PDE4D: variants seen among roughly 807,000 people sequenced by gnomAD.
The protein encoded by PDE4D is 3',5'-cyclic-AMP phosphodiesterase 4D.
PDE4D carries 24 observed loss-of-function variants against 87.4 expected under a neutral mutation model. That is an observed-to-expected ratio of 0.27 (90% CI 0.20 to 0.39). The LOEUF is 0.39. Among genes scored for constraint, PDE4D ranks in the 10% least tolerant of loss-of-function variants. The pLI, the probability that PDE4D is intolerant of heterozygous loss-of-function variation, is 1.00. For synonymous variants in PDE4D, 384 were observed against 383.2 expected, an observed-to-expected ratio of 1.00 and a Z score of -0.02; for missense variants, 714 against 1,041.0, an observed-to-expected ratio of 0.69 and a Z score of 4.32.
intron 1 of PDE4D, among the ~76,000 whole-genome samples, chr5:59,785,986 A>G (rs934122725): frequency 7.3e-6 from 1 of 136,380 alleles, no homozygotes; most frequent in South Asian, 2.7e-4. Context: ...TGCAGTGAGA[A>G]TGGTTGGGGG....
rs1168581837 is a variant in PDE4D, at chr5:60,303,313, T to G, written c.-89-117626A>C. Among the ~76,000 whole-genome samples, 11 of 150,304 alleles carry G rather than the reference T, an allele frequency of 7.3e-5. No homozygotes were observed. In the South Asian group the frequency reaches 1.3e-3, roughly 17 times the overall value. On this transcript the variant is annotated intron_variant, in intron 1 of 16. Transcript: ENST00000502484. ...TGTGGTTATATCTGGATTTCTTTTT[T>G]TTTTTTTTTTTTGAGACGGGAGTTT...
chr5:60,151,439 T>C (rs1781486743), intron 2 of PDE4D, among the ~76,000 whole-genome samples: 1 of 152,198 alleles, frequency 6.6e-6, no homozygotes, highest in Non-Finnish European at 1.5e-5. Context: ...ATTTCTTTCA[T>C]TAACGTTGTA....
chr5:59,109,351 C>CATTCATAAT (rs1164032342), intron 5 of PDE4D, among the ~76,000 whole-genome samples: 7 of 152,198 alleles, frequency 4.6e-5, no homozygotes, highest in African/African-American at 1.4e-4. Context: ...GATTTGATTA[C>CATTCATAAT]ATTCATAATA....
chr5:59,857,510 G>A (rs1446071071), intron 1 of PDE4D, among the ~76,000 whole-genome samples: 1 of 152,036 alleles, frequency 6.6e-6, no homozygotes, highest in East Asian at 1.9e-4. Flanking sequence ...ATCACAAAGG[G>A]AGGGATTATA....
intron 1 of PDE4D, among the ~76,000 whole-genome samples, chr5:60,377,560 T>A (rs1251884109): frequency 1.3e-5 from 2 of 151,854 alleles, no homozygotes; most frequent in Non-Finnish European, 2.9e-5. Flanking sequence ...AATCCATGAG[T>A]TTAGTCAAAG....
At chr5:59,683,977 G>A (rs890879929) in intron 1 of PDE4D, among the ~76,000 whole-genome samples, 8 of 152,102 alleles carry the variant, frequency 5.3e-5, no homozygotes, top group African/African-American at 1.7e-4. Flanking sequence ...TCTGGCTTTA[G>A]GCCAATTTTG....
At chr5:59,322,928 G>A (rs1284521294) in intron 1 of PDE4D, among the ~76,000 whole-genome samples, 3 of 152,056 alleles carry the variant, frequency 2.0e-5, no homozygotes, top group African/African-American at 7.2e-5. Flanking sequence ...AATGTCATTG[G>A]TATTTTGTAG....
intron 1 of PDE4D, among the ~76,000 whole-genome samples, chr5:59,444,144 T>C (rs572849903): frequency 3.5e-4 from 54 of 152,296 alleles, no homozygotes; most frequent in Middle Eastern, 3.4e-3. Context: ...TCAGGGTACT[T>C]GTCTTTTTTG....
Position 60,424,079 on chromosome 5 carries a change from T to A in PDE4D, c.-90+63863A>T, listed in dbSNP as rs9750942. On this transcript the variant is annotated intron_variant, in intron 1 of 16. Coordinates refer to the PDE4D transcript ENST00000502484. ...CAACCAAAAAAAGTCCAGGACCCGA[T>A]GGATTCACAGCTGAATTCTACCAGA... Among the ~76,000 whole-genome samples, 969 of 152,304 alleles carry A rather than the reference T, an allele frequency of 6.4e-3. 12 individuals carry two copies. Among genetic ancestry groups the A allele is most frequent in the African/African-American group, 0.022 (918 of 41,562 alleles).
chr5:59,481,368 A>G (rs1357566896), intron 1 of PDE4D, among the ~76,000 whole-genome samples: 1 of 147,850 alleles, frequency 6.8e-6, no homozygotes, highest in Non-Finnish European at 1.5e-5. Flanking sequence ...AATACAATGT[A>G]GTCCAAAAAA....
At chr5:60,344,801 CA>C (rs1458503187) in intron 1 of PDE4D, among the ~76,000 whole-genome samples, 1 of 152,056 alleles carries the variant, frequency 6.6e-6, no homozygotes, top group Non-Finnish European at 1.5e-5. Flanking sequence ...TAAAGAAGTT[CA>C]ACAAAATTCC....
At chr5:59,138,536 C>T (rs755688203) in intron 5 of PDE4D, among the ~76,000 whole-genome samples, 4 of 152,140 alleles carry the variant, frequency 2.6e-5, no homozygotes, top group Non-Finnish European at 4.4e-5. Flanking sequence ...CCACCCGCCT[C>T]CCAAGATTAC....
chr5:60,357,564 G>T (rs1759725418), intron 1 of PDE4D, among the ~76,000 whole-genome samples: 1 of 152,152 alleles, frequency 6.6e-6, no homozygotes, highest in Non-Finnish European at 1.5e-5. Context: ...CAGACCAACT[G>T]CATTTCAAAG....
chr5:59,772,491 A>G (rs536984826), intron 1 of PDE4D, among the ~76,000 whole-genome samples: 1 of 152,150 alleles, frequency 6.6e-6, no homozygotes, highest in Non-Finnish European at 1.5e-5. Flanking sequence ...AATTTGTGGG[A>G]TTTTTTAGAT....
chr5:59,720,668 T>A (rs1755697701), intron 1 of PDE4D, among the ~76,000 whole-genome samples: 1 of 152,120 alleles, frequency 6.6e-6, no homozygotes, highest in African/African-American at 2.4e-5. Flanking sequence ...AACTCTGTGT[T>A]TTAAGTACAA....
intron 3 of PDE4D, among the ~76,000 whole-genome samples, chr5:59,947,150 T>C (rs1757806509): frequency 6.6e-6 from 1 of 152,200 alleles, no homozygotes; most frequent in Non-Finnish European, 1.5e-5. Context: ...ACTTCAAAAT[T>C]GGTTGTTATG....
At chr5:59,318,447 C>A (rs971201895) in intron 1 of PDE4D, among the ~76,000 whole-genome samples, 1 of 152,022 alleles carries the variant, frequency 6.6e-6, no homozygotes, top group African/African-American at 2.4e-5. Context: ...TCTGTACAAT[C>A]TCCTTGATTT....
At chr5:60,248,338 A>C (rs1748033309) in intron 1 of PDE4D, among the ~76,000 whole-genome samples, 1 of 152,180 alleles carries the variant, frequency 6.6e-6, no homozygotes, top group South Asian at 2.1e-4. Flanking sequence ...AGCGAGTGAC[A>C]GTAAGAGTGG....
At chr5:60,450,026 C>A (rs1745970426) in intron 1 of PDE4D, among the ~76,000 whole-genome samples, 10 of 137,786 alleles carry the variant, frequency 7.3e-5, no homozygotes, top group South Asian at 2.4e-4. Context: ...CACCAAAAAA[C>A]AAGTCAATAA....
Sources: allele counts gnomAD v4.1 joint callset (sites outside exome capture counted in the v4.1 genomes callset), GRCh38; gene constraint gnomAD v4.1.1; transcripts MANE v1.5; gene names NCBI Gene and HGNC (gene_info 2026-07-23, HGNC 2026-07-21).